Variants in DCHS2 observed in about 807,000 individuals in gnomAD.
DCHS2 encodes the protein protocadherin-23.
In DCHS2, 142 loss-of-function variants were observed where a neutral mutation model predicts 182.4. That is an observed-to-expected ratio of 0.78 (90% confidence interval 0.68 to 0.89). The LOEUF (loss-of-function observed/expected upper bound fraction) is 0.89. DCHS2 is among the 40% of genes least tolerant of loss of function. The pLI, the probability that DCHS2 is intolerant of heterozygous loss-of-function variation, is 0.00. For synonymous variants in DCHS2, 1,740 were observed against 1,663.3 expected, an observed-to-expected ratio of 1.05 and a Z score of -1.12; for missense variants, 4,319 against 4,198.6, an observed-to-expected ratio of 1.03 and a Z score of -0.79.
At chr4:154,331,809 T>C in intron 5 of DCHS2, 1 of 1,366,836 alleles carries the variant, frequency 7.3e-7, no homozygotes, top group Admixed American at 2.5e-5. Context: ...CGGGTATGTA[T>C]TTGCAGTATA....
rs982259925 is a variant in DCHS2 at position 154,476,294 on chromosome 4, T to C, written c.2052+13010A>G. ...AGACATTTAAGAAACAAAATCACTC[T>C]GGTAATATTTCTGCTAATATGCAAA... On this transcript the variant is annotated intron_variant, in intron 1 of 19. Coordinates refer to ENST00000357232, the MANE Select transcript of DCHS2 (RefSeq NM_001358235.2). Among the ~76,000 whole-genome samples the C allele has an allele frequency of 3.9e-5, 6 of 152,312 alleles. No individual in the cohort carries two copies. In the South Asian group the frequency reaches 1.2e-3, roughly 32 times the overall value.
chr4:154,392,155 C>G (rs1011095017), intron 1 of DCHS2, among the ~76,000 whole-genome samples: 1 of 152,224 alleles, frequency 6.6e-6, no homozygotes, highest in East Asian at 1.9e-4. Context: ...CACAAAGATA[C>G]ATTGAAATGC....
chr4:154,294,289 T>C (rs1018418336), intron 13 of DCHS2, among the ~76,000 whole-genome samples: 1 of 152,182 alleles, frequency 6.6e-6, no homozygotes, highest in Non-Finnish European at 1.5e-5. Flanking sequence ...ATAGTCAACA[T>C]ATAATAGGAA....
chr4:154,466,247 C>A (rs949836560), intron 1 of DCHS2, among the ~76,000 whole-genome samples: 5 of 152,090 alleles, frequency 3.3e-5, no homozygotes, highest in Admixed American at 1.3e-4. Flanking sequence ...GTGATTCTTA[C>A]AATTACCCAG....
At position 154,231,834 on chromosome 4, in the gene DCHS2, T is replaced by C. The variant is rs980724505; in HGVS notation, c.*2702A>G. 2 of 152,102 alleles carry C rather than the reference T, an allele frequency of 1.3e-5. No homozygotes were observed. The highest frequency in any genetic ancestry group is 2.4e-5 in the African/African-American group (1 of 41,434). 9.4% of individuals were successfully genotyped at this position (152,102 alleles called of 1,614,324 possible). ...AGGCAGCCAGTAATGTAGAGTGCAT[T>C]TTAATAATTTTTAAAAGAGTTAAAT... On this transcript the variant is annotated 3_prime_UTR_variant, in exon 20 of 20. Transcript: ENST00000357232.
At chr4:154,299,323 T>A (rs961893763) in intron 12 of DCHS2, among the ~76,000 whole-genome samples, 2 of 152,216 alleles carry the variant, frequency 1.3e-5, no homozygotes, top group African/African-American at 4.8e-5. Flanking sequence ...AGGACATTGT[T>A]CTATTCATCT....
intron 10 of DCHS2, among the ~76,000 whole-genome samples, chr4:154,308,664 T>C (rs1048073520): frequency 6.6e-6 from 1 of 151,896 alleles, no homozygotes; most frequent in Non-Finnish European, 1.5e-5. Context: ...ACTGAGGGAG[T>C]GGATCATAGA....
chr4:154,264,854 A>T (rs1487197480), intron 14 of DCHS2, among the ~76,000 whole-genome samples: 1 of 152,200 alleles, frequency 6.6e-6, no homozygotes, highest in African/African-American at 2.4e-5. Context: ...ACAAGGATGC[A>T]GCTAAATCAA....
At chr4:154,351,000 C>T (rs189125040) in intron 3 of DCHS2, among the ~76,000 whole-genome samples, 153 of 152,234 alleles carry the variant, frequency 1.0e-3, no homozygotes, top group African/African-American at 3.5e-3. Context: ...ATTGGCCATG[C>T]CTTCAAGAAG....
chr4:154,306,217 C>A (rs1735434575), intron 10 of DCHS2, among the ~76,000 whole-genome samples: 1 of 151,912 alleles, frequency 6.6e-6, no homozygotes. Flanking sequence ...TACTATATAA[C>A]TTGGAGGAGA....
chr4:154,289,203 G>C (rs946541685), intron 13 of DCHS2, among the ~76,000 whole-genome samples: 3 of 151,870 alleles, frequency 2.0e-5, no homozygotes, highest in South Asian at 2.1e-4. Context: ...GCCAGACTCA[G>C]AAGAAAAGGG....
chr4:154,293,343 G>T (rs937006164), intron 13 of DCHS2, among the ~76,000 whole-genome samples: 1 of 152,040 alleles, frequency 6.6e-6, no homozygotes, highest in Non-Finnish European at 1.5e-5. Flanking sequence ...AGCATGCCCG[G>T]CTAATTATTT....
At chr4:154,319,357 A>G (rs571051572) in intron 9 of DCHS2, among the ~76,000 whole-genome samples, 55 of 152,226 alleles carry the variant, frequency 3.6e-4, no homozygotes, top group African/African-American at 1.3e-3. Flanking sequence ...ATTACATAAA[A>G]TTAAGAAGCT....
intron 3 of DCHS2, among the ~76,000 whole-genome samples, chr4:154,352,213 C>T (rs1366651034): frequency 2.0e-5 from 3 of 152,086 alleles, no homozygotes; most frequent in Non-Finnish European, 4.4e-5. Flanking sequence ...TTCTGGTTCC[C>T]CGCTAGTGCC....
intron 13 of DCHS2, among the ~76,000 whole-genome samples, chr4:154,279,221 AAT>A (rs961509299): frequency 6.6e-6 from 1 of 151,998 alleles, no homozygotes; most frequent in African/African-American, 2.4e-5. Context: ...CCACAAAGAA[AAT>A]ATGTATAGAA....
chr4:154,374,126 T>A (rs1428510494), intron 2 of DCHS2: 2 of 587,506 alleles, frequency 3.4e-6, no homozygotes, highest in Non-Finnish European at 5.9e-6. Flanking sequence ...CTTTCCAGGC[T>A]GTGGTGGTGC....
chr4:154,316,913 A>C (rs1300045159), intron 9 of DCHS2, among the ~76,000 whole-genome samples: 1 of 152,104 alleles, frequency 6.6e-6, no homozygotes, highest in Non-Finnish European at 1.5e-5. Flanking sequence ...ACTGGCACAC[A>C]GATAGCCATT....
intron 10 of DCHS2, among the ~76,000 whole-genome samples, chr4:154,309,367 A>G (rs1298076252): frequency 6.6e-6 from 1 of 152,122 alleles, no homozygotes; most frequent in Non-Finnish European, 1.5e-5. Context: ...AGAAAATGGG[A>G]CTTCCTTCTT....
chr4:154,301,695 C>A (rs1735198960), intron 12 of DCHS2, among the ~76,000 whole-genome samples: 1 of 152,066 alleles, frequency 6.6e-6, no homozygotes, highest in Non-Finnish European at 1.5e-5. Flanking sequence ...GACGAGGTTT[C>A]TCCATGTTGG....
Sources: gnomAD v4.1 joint callset for allele counts (sites outside exome capture counted in the v4.1 genomes callset) on GRCh38, gnomAD v4.1.1 for gene constraint, MANE v1.5 for transcripts, NCBI Gene and HGNC (gene_info 2026-07-23, HGNC 2026-07-21) for gene names.